Variants in KANK1 observed in about 807,000 individuals in gnomAD.
The protein encoded by KANK1 is KN motif and ankyrin repeat domain-containing protein 1.
In KANK1, 109 loss-of-function variants were observed where a neutral mutation model predicts 106.2. The observed-to-expected ratio is 1.03, with a 90% CI of 0.88 to 1.20. The LOEUF (loss-of-function observed/expected upper bound fraction) is 1.20. Among genes scored for constraint, KANK1 ranks in the 50% most tolerant of loss-of-function variants. The pLI is 0.00. For synonymous variants in KANK1, 873 were observed against 652.2 expected, an observed-to-expected ratio of 1.34 and a Z score of -5.16; for missense variants, 2,399 against 1,710.7, an observed-to-expected ratio of 1.40 and a Z score of -7.10.
In KANK1 at chr9:628,444, A is replaced by G. The variant is rs149610402; in HGVS notation, c.-83-48446A>G. ...TGTATTTATATTCACAGATGTACGT[A>G]TTTTAATAGTTAACATCTGAAATCA... On this transcript the variant is annotated intron_variant, in intron 1 of 11. Coordinates refer to ENST00000382297, the MANE Select transcript of KANK1 (RefSeq NM_015158.5). Among the ~76,000 whole-genome samples, 381 of 152,302 alleles carry G rather than the reference A, an allele frequency of 2.5e-3. 4 individuals carry two copies. Among genetic ancestry groups the G allele is most frequent in the East Asian group, 2.3e-3 (12 of 5,190 alleles).
At chr9:575,015 G>A (rs1386583653) in intron 1 of KANK1, among the ~76,000 whole-genome samples, 1 of 151,962 alleles carries the variant, frequency 6.6e-6, no homozygotes, top group African/African-American at 2.4e-5. Context: ...TTTTGAGAAG[G>A]CTAACATTTG....
intron 1 of KANK1, among the ~76,000 whole-genome samples, chr9:651,685 C>T (rs1463223352): frequency 6.6e-6 from 1 of 152,172 alleles, no homozygotes; most frequent in Admixed American, 6.5e-5. Context: ...AATTGTTTTA[C>T]ACATCAGGCT....
At chr9:563,569 C>T (rs1251587118) in intron 1 of KANK1, among the ~76,000 whole-genome samples, 1 of 152,112 alleles carries the variant, frequency 6.6e-6, no homozygotes, top group African/African-American at 2.4e-5. Context: ...TGTAGGATCA[C>T]ATGATTTTGT....
intron 1 of KANK1, among the ~76,000 whole-genome samples, chr9:505,197 C>G (rs1430357913): frequency 6.6e-6 from 1 of 152,162 alleles, no homozygotes; most frequent in Admixed American, 6.5e-5. Context: ...GGGGGACCCT[C>G]TCTGAAGCGG....
At chr9:651,752 T>C (rs1840925806) in intron 1 of KANK1, among the ~76,000 whole-genome samples, 1 of 152,224 alleles carries the variant, frequency 6.6e-6, no homozygotes, top group South Asian at 2.1e-4. Context: ...TTTCAGTTCT[T>C]AGACTTGTGG....
At chr9:526,445 G>T (rs895734817) in intron 1 of KANK1, among the ~76,000 whole-genome samples, 1 of 151,716 alleles carries the variant, frequency 6.6e-6, no homozygotes, top group Non-Finnish European at 1.5e-5. Context: ...GGGTGTGGTG[G>T]CTCGTGCCTG....
chr9:558,068 C>T (rs144799199), intron 1 of KANK1, among the ~76,000 whole-genome samples: 5 of 152,192 alleles, frequency 3.3e-5, no homozygotes, highest in South Asian at 2.1e-4. Flanking sequence ...GAGTGAAGAT[C>T]GGATTAGTCA....
chr9:616,305 C>A (rs1287017675), intron 1 of KANK1, among the ~76,000 whole-genome samples: 1 of 152,172 alleles, frequency 6.6e-6, no homozygotes. Flanking sequence ...TTAGGTGATA[C>A]TGTATCAACT....
At chr9:644,521 G>A (rs1399273705) in intron 1 of KANK1, among the ~76,000 whole-genome samples, 3 of 150,850 alleles carry the variant, frequency 2.0e-5, no homozygotes, top group Admixed American at 1.3e-4. Context: ...AAGCAGGCAC[G>A]TTTTACGTGG....
Position 745,774 on chromosome 9 carries a change from T to C in KANK1, c.*539T>C, listed in dbSNP as rs1473443879. 6.5e-6 allele frequency: 1 copy of C among 152,704 alleles called. No individual in the cohort carries two copies. The highest frequency in any genetic ancestry group is 1.5e-5 in the Non-Finnish European group (1 of 68,106). 9.5% of individuals were successfully genotyped at this position (152,704 alleles called of 1,614,324 possible). ...TACAAAAGAATATTCTCATTTGGTCTTAACTAGGTAGATGTAATATATGAC... is the reference window on the plus strand; with the variant it reads ...TACAAAAGAATATTCTCATTTGGTCCTAACTAGGTAGATGTAATATATGAC... On this transcript the variant is annotated 3_prime_UTR_variant, in exon 12 of 12. Transcript: ENST00000382297.
intron 1 of KANK1, among the ~76,000 whole-genome samples, chr9:653,136 G>A (rs1475331392): frequency 6.6e-6 from 1 of 152,132 alleles, no homozygotes; most frequent in African/African-American, 2.4e-5. Context: ...TTTGGGCCCA[G>A]GATTTAGAAG....
intron 3 of KANK1, among the ~76,000 whole-genome samples, chr9:490,115 C>T (rs748932360): frequency 6.6e-6 from 1 of 152,168 alleles, no homozygotes; most frequent in Non-Finnish European, 1.5e-5. Flanking sequence ...TACTTCAATC[C>T]TGACCAGGTT....
chr9:550,666 A>C (rs926285881), intron 1 of KANK1, among the ~76,000 whole-genome samples: 22 of 152,218 alleles, frequency 1.4e-4, no homozygotes, highest in African/African-American at 5.1e-4. Context: ...TTGTTGGATT[A>C]AATTCTCTCA....
At chr9:657,092 C>G (rs2361105) in intron 1 of KANK1, among the ~76,000 whole-genome samples, 136,959 of 152,232 alleles carry the variant, frequency 0.9, 61,776 homozygotes, top group East Asian at 0.97. Flanking sequence ...GTTTCTATGA[C>G]TTTAATTACA....
At chr9:699,889 G>A (rs1262955741) in intron 2 of KANK1, among the ~76,000 whole-genome samples, 1 of 152,218 alleles carries the variant, frequency 6.6e-6, no homozygotes, top group East Asian at 1.9e-4. Flanking sequence ...GGCTGAGGCA[G>A]GAGGATCGCT....
intron 1 of KANK1, among the ~76,000 whole-genome samples, chr9:654,799 TTG>T (rs201947509): frequency 7.4e-5 from 10 of 134,234 alleles, no homozygotes; most frequent in South Asian, 2.4e-4. Flanking sequence ...CAATATGCAT[TTG>T]TGTGTGTGTG....
intron 4 of KANK1, 69 bp downstream of exon 4, chr9:730,317 A>C: frequency 1.6e-5 from 22 of 1,414,690 alleles, no homozygotes; most frequent in East Asian, 2.3e-5. Context: ...TTCCAATTTA[A>C]TGTCAATGTA....
intron 2 of KANK1, among the ~76,000 whole-genome samples, chr9:679,501 G>A (rs1358364172): frequency 6.6e-6 from 1 of 152,066 alleles, no homozygotes; most frequent in African/African-American, 2.4e-5. Context: ...TGCAACCTCT[G>A]CCTCCTGGGT....
chr9:470,997 CAT>C (rs1283236994), intron 2 of KANK1: 3 of 152,190 alleles, frequency 2.0e-5, no homozygotes, highest in African/African-American at 7.2e-5. Flanking sequence ...TGAATCTTGT[CAT>C]AATGCCAGGG....
Sources: gnomAD v4.1 joint callset for allele counts (sites outside exome capture counted in the v4.1 genomes callset) on GRCh38, gnomAD v4.1.1 for gene constraint, MANE v1.5 for transcripts, NCBI Gene and HGNC (gene_info 2026-07-23, HGNC 2026-07-21) for gene names.